The following RARA variants were observed in gnomAD, a reference collection of about 807,000 sequenced individuals.
The protein encoded by RARA is retinoic acid receptor alpha, also known as PML-DDX5-RARA fusion.
RARA carries 5 observed loss-of-function variants against 42.8 expected under a neutral mutation model. The observed-to-expected ratio is 0.12, with a 90% CI of 0.06 to 0.25. RARA has a LOEUF of 0.25. RARA is among the 10% of genes least tolerant of loss of function. The pLI, the probability that RARA is intolerant of heterozygous loss-of-function variation, is 1.00. For missense variants in RARA, 402 were observed against 628.7 expected, an observed-to-expected ratio of 0.64 and a Z score of 3.86; for synonymous variants, 256 against 259.5, an observed-to-expected ratio of 0.99 and a Z score of 0.13.
chr17:40,356,301 C>A lies in RARA; in HGVS notation c.*75C>A. ...CTGCCTTTCTACCGACCATGTGACC[C>A]CGCACCAGCCCTGCCCCCACCTGCC... On this transcript the variant is annotated 3_prime_UTR_variant, in exon 9 of 9. Transcript: ENST00000254066. 1 of 1,436,124 alleles carries A rather than the reference C, an allele frequency of 7.0e-7. No individual in the cohort carries two copies. Among genetic ancestry groups the A allele is most frequent in the Non-Finnish European group, 9.5e-7 (1 of 1,049,340 alleles). The allele number at this position is 1,436,124 out of a possible 1,614,324, so 89.0% of individuals were successfully genotyped here.
intron 1 of RARA, among the ~76,000 whole-genome samples, chr17:40,310,748 A>G (rs1328168877): frequency 6.6e-6 from 1 of 152,158 alleles, no homozygotes. Context: ...CTCCATTTGT[A>G]AAAATGGCTA....
In RARA at chr17:40,326,296, C is replaced by G. The variant is rs937770641; in HGVS notation, c.-362-4561C>G. Reference sequence around the variant, plus strand: ...CTGGGTGCTTTCCAGGACTTCCTGTCTGAAATCGCACAGCTCGTTGTTGAG... The same window carrying G: ...CTGGGTGCTTTCCAGGACTTCCTGTGTGAAATCGCACAGCTCGTTGTTGAG... On this transcript the variant is annotated intron_variant, in intron 1 of 8. Coordinates refer to ENST00000254066, the MANE Select transcript of RARA (RefSeq NM_000964.4). This position sits in a 1 kb window ranked among gnomAD's most constrained non-coding sequence, Gnocchi z 5.2. Among the ~76,000 whole-genome samples, 5 of 152,222 alleles carry G rather than the reference C, an allele frequency of 3.3e-5. No individual in the cohort carries two copies. The highest frequency in any genetic ancestry group is 9.7e-5 in the African/African-American group (4 of 41,448).
chr17:40,336,899 T>G (rs1567754184), intron 2 of RARA, among the ~76,000 whole-genome samples: 1 of 147,254 alleles, frequency 6.8e-6, no homozygotes, highest in South Asian at 2.2e-4. Flanking sequence ...TTTCACCATG[T>G]TGGTTGGCCA....
intron 1 of RARA, among the ~76,000 whole-genome samples, chr17:40,315,163 TATATATATACACAC>T (rs2033181299): frequency 4.8e-5 from 6 of 124,110 alleles, no homozygotes; most frequent in African/African-American, 2.3e-4. Context: ...TATATATATA[TATATATATACACAC>T]ACACACACAC....
chr17:40,348,205 C>A, intron 2 of RARA, 111 bp from the exon 3 acceptor site: 1 of 1,312,766 alleles, frequency 7.6e-7, no homozygotes, highest in Non-Finnish European at 1.0e-6. Flanking sequence ...ATCCTGCCAG[C>A]AGTGGTGAGG....
At chr17:40,317,421 G>T (rs148859837) in intron 1 of RARA, among the ~76,000 whole-genome samples, 1 of 152,338 alleles carries the variant, frequency 6.6e-6, no homozygotes, top group African/African-American at 2.4e-5. Flanking sequence ...CAGATGGAGG[G>T]TGATTCAGAT....
rs973402822 is a variant in RARA at position 40,341,210 on chromosome 17, ATC to A, written c.179-7101_179-7100del. 1.1e-4 allele frequency: 79 copies of A among 719,954 alleles called. No homozygotes were observed. The African/African-American group carries it at 1.3e-3, about 12-fold the overall frequency. The allele number at this position is 719,954 out of a possible 1,614,324, so 44.6% of individuals were successfully genotyped here. Reference sequence around the variant, plus strand: ...CTGGAAGGCACCAGCTCTTCCTTTTATCTCTCCAGAGCTGGACAGTGCACCAG... The same window carrying A: ...CTGGAAGGCACCAGCTCTTCCTTTTATCTCCAGAGCTGGACAGTGCACCAG... On this transcript the variant is annotated intron_variant, in intron 2 of 8. Transcript: ENST00000254066.
intron 2 of RARA, chr17:40,341,039 T>C (rs372245693): frequency 1.7e-4 from 67 of 400,496 alleles, no homozygotes; most frequent in Non-Finnish European, 2.5e-4. Flanking sequence ...GGGTAGCATG[T>C]ACATTTCCAT....
chr17:40,334,234 G>T (rs2033781952), intron 2 of RARA, among the ~76,000 whole-genome samples: 1 of 152,150 alleles, frequency 6.6e-6, no homozygotes, highest in South Asian at 2.1e-4. Context: ...AATGTGGGTG[G>T]GGTGCCCACA....
intron 1 of RARA, among the ~76,000 whole-genome samples, chr17:40,328,292 G>C (rs531037294): frequency 6.8e-4 from 104 of 152,284 alleles, no homozygotes; most frequent in African/African-American, 2.4e-3. Flanking sequence ...GGAGTTCAGA[G>C]CTTGGAACCT....
intron 2 of RARA, among the ~76,000 whole-genome samples, chr17:40,338,655 C>A (rs551460069): frequency 4.4e-4 from 62 of 142,220 alleles, no homozygotes; most frequent in African/African-American, 1.6e-3. Flanking sequence ...TGTAGTGAGC[C>A]GAGATCGCGC....
Position 40,357,602 on chromosome 17 carries a change from A to G in RARA, c.*1376A>G. 4.4e-6 allele frequency: 1 copy of G among 229,596 alleles called. No homozygotes were observed. Among genetic ancestry groups the G allele is most frequent in the Non-Finnish European group, 8.6e-6 (1 of 115,836 alleles). The allele number at this position is 229,596 out of a possible 1,614,324, so 14.2% of individuals were successfully genotyped here. A position where few individuals can be genotyped will look rare whatever the true frequency, so the allele number is the denominator to read the frequency against. On this transcript the variant is annotated 3_prime_UTR_variant, in exon 9 of 9. Coordinates refer to ENST00000254066, the MANE Select transcript of RARA (RefSeq NM_000964.4). ...TGCACCTGTTACTGTTGGGCTTTCC[A>G]CTGAGATCTACTGGATAAAGAATAA...
At chr17:40,336,941 G>A (rs1285375767) in intron 2 of RARA, among the ~76,000 whole-genome samples, 4 of 152,068 alleles carry the variant, frequency 2.6e-5, no homozygotes, top group Non-Finnish European at 4.4e-5. Flanking sequence ...CTTGTGATCC[G>A]CCCGCCTCGG....
At chr17:40,334,883 G>GA (rs2033800573) in intron 2 of RARA, among the ~76,000 whole-genome samples, 1 of 152,154 alleles carries the variant, frequency 6.6e-6, no homozygotes, top group African/African-American at 2.4e-5. Flanking sequence ...ACCCTCTCCA[G>GA]GTCACTGTGG....
intron 1 of RARA, among the ~76,000 whole-genome samples, chr17:40,330,494 C>A (rs776896058): frequency 1.1e-4 from 17 of 152,140 alleles, no homozygotes; most frequent in Non-Finnish European, 2.2e-4. Flanking sequence ...CCCCAGCACA[C>A]GTTCTCTGCA....
chr17:40,318,128 G>A (rs1430710537), intron 1 of RARA, among the ~76,000 whole-genome samples: 1 of 152,246 alleles, frequency 6.6e-6, no homozygotes, highest in African/African-American at 2.4e-5. Flanking sequence ...AGGAGAGGCG[G>A]GGGCGGGCGT....
chr17:40,354,821 G>A lies in RARA; in HGVS notation c.1012+315G>A, dbSNP rs1366776713. ...GTTTCTGTACAGTGGGGGCGGTAACGGTCTCTAGCTCATGAAGTTGATGGG... is the reference window on the plus strand; with the variant it reads ...GTTTCTGTACAGTGGGGGCGGTAACAGTCTCTAGCTCATGAAGTTGATGGG... On this transcript the variant is annotated intron_variant, in intron 7 of 8. Coordinates refer to ENST00000254066, the MANE Select transcript of RARA (RefSeq NM_000964.4). The surrounding 1 kb of genome is among the most constrained non-coding windows in gnomAD (Gnocchi z 4.5). Among the ~76,000 whole-genome samples, 1 of 152,172 alleles carries A rather than the reference G, an allele frequency of 6.6e-6. No homozygotes were observed. The highest frequency in any genetic ancestry group is 1.5e-5 in the Non-Finnish European group (1 of 68,028).
chr17:40,334,036 ACT>A (rs1331408962), intron 2 of RARA, among the ~76,000 whole-genome samples: 2 of 151,964 alleles, frequency 1.3e-5, no homozygotes, highest in South Asian at 2.1e-4. Context: ...GTTCCCAGAC[ACT>A]CTGTCCATCT....
In RARA at chr17:40,356,332, G is replaced by C. The variant is rs902493348; in HGVS notation, c.*106G>C. Reference sequence around the variant, plus strand: ...CAGCCCTGCCCCCACCTGCCCTCCCGGGCAGTACTGGGGACCTTCCCTGGG... The same window carrying C: ...CAGCCCTGCCCCCACCTGCCCTCCCCGGCAGTACTGGGGACCTTCCCTGGG... On this transcript the variant is annotated 3_prime_UTR_variant, in exon 9 of 9. Transcript: ENST00000254066. The C allele has an allele frequency of 8.1e-7, 1 of 1,235,594 alleles. No individual in the cohort carries two copies. Among genetic ancestry groups the C allele is most frequent in the Non-Finnish European group, 1.1e-6 (1 of 870,014 alleles). The allele number at this position is 1,235,594 out of a possible 1,614,324, so 76.5% of individuals were successfully genotyped here.
Sources: gnomAD v4.1 joint callset for allele counts (sites outside exome capture counted in the v4.1 genomes callset) on GRCh38, gnomAD v4.1.1 for gene constraint, Gnocchi (gnomAD v3.1) non-coding constraint, MANE v1.5 for transcripts, NCBI Gene and HGNC (gene_info 2026-07-23, HGNC 2026-07-21) for gene names.